The following LARP4B variants were observed in gnomAD, a reference collection of about 807,000 sequenced individuals.
The protein encoded by LARP4B is La ribonucleoprotein 4B.
Under a neutral mutation model 89.8 loss-of-function variants are expected in LARP4B, and 12 were observed. That is an observed-to-expected ratio of 0.13 (90% CI 0.09 to 0.22). The LOEUF is 0.22. Among genes scored for constraint, LARP4B ranks in the 10% least tolerant of loss-of-function variants. The probability of loss-of-function intolerance (pLI) is 1.00; values close to 1 mark genes in which losing one functional copy is unlikely to be tolerated. For synonymous variants in LARP4B, 367 were observed against 363.3 expected, an observed-to-expected ratio of 1.01 and a Z score of -0.12; for missense variants, 757 against 947.7, an observed-to-expected ratio of 0.80 and a Z score of 2.64.
At chr10:893,606 G>A (rs1836102828) in intron 1 of LARP4B, among the ~76,000 whole-genome samples, 1 of 152,160 alleles carries the variant, frequency 6.6e-6, no homozygotes, top group Admixed American at 6.5e-5. Flanking sequence ...TTAAACTGCA[G>A]CAGTTCCTCA....
At chr10:929,493 G>A (rs1453483458) in intron 1 of LARP4B, among the ~76,000 whole-genome samples, 2 of 152,150 alleles carry the variant, frequency 1.3e-5, no homozygotes, top group Non-Finnish European at 2.9e-5. Context: ...CTACTCGGGG[G>A]GCTGAGGCAG....
At chr10:835,625 T>C (rs1441051989) in intron 8 of LARP4B, among the ~76,000 whole-genome samples, 2 of 152,244 alleles carry the variant, frequency 1.3e-5, no homozygotes, top group African/African-American at 4.8e-5. Context: ...GTAGATTTTA[T>C]AGCAACACAT....
At chr10:973,040 G>A in the LARP4B span, 1 of 374,504 alleles carries the variant, frequency 2.7e-6, no homozygotes, top group Non-Finnish European at 5.3e-6. Context: ...AGAAGTCGAG[G>A]GGCAAGCACC....
chr10:846,766 C>G (rs574833197), intron 5 of LARP4B, among the ~76,000 whole-genome samples: 1 of 152,272 alleles, frequency 6.6e-6, no homozygotes, highest in Admixed American at 6.5e-5. Flanking sequence ...AGGGAGGACT[C>G]TCCAAGCGAT....
intron 13 of LARP4B, among the ~76,000 whole-genome samples, chr10:823,357 A>G (rs1832454609): frequency 6.6e-6 from 1 of 152,196 alleles, no homozygotes. Context: ...CAAGATCTGC[A>G]TCTGTCAGGC....
rs918199266 is a variant in LARP4B, at chr10:810,471, C to T, written c.*2455G>A. 1 of 152,212 alleles carries T rather than the reference C, an allele frequency of 6.6e-6. No homozygotes were observed. Among genetic ancestry groups the T allele is most frequent in the South Asian group, 2.1e-4 (1 of 4,836 alleles). The allele number at this position is 152,212 out of a possible 1,614,324, so 9.4% of individuals were successfully genotyped here. On this transcript the variant is annotated 3_prime_UTR_variant, in exon 18 of 18. Transcript: ENST00000316157. ...GGAGGGCAGCAGAGCCCTCCAGTGG[C>T]GACTGGCTAATGCACGCGCTGCCCT...
At chr10:910,244 C>T (rs1446819759) in intron 1 of LARP4B, among the ~76,000 whole-genome samples, 1 of 152,090 alleles carries the variant, frequency 6.6e-6, no homozygotes, top group Non-Finnish European at 1.5e-5. Context: ...CTACTTCCAA[C>T]TTCTGCTAAT....
the LARP4B span, among the ~76,000 whole-genome samples, chr10:940,845 T>G: frequency 6.6e-6 from 1 of 152,216 alleles, no homozygotes; most frequent in Non-Finnish European, 1.5e-5. Flanking sequence ...TAGAAATTAC[T>G]GTATGCAGGT....
chr10:975,824 C>T, the LARP4B span, among the ~76,000 whole-genome samples: 1 of 149,058 alleles, frequency 6.7e-6, no homozygotes, highest in African/African-American at 2.5e-5. Flanking sequence ...GTAAGCCTCT[C>T]GCGCAACGTG....
chr10:887,696 G>C (rs1299191500), intron 1 of LARP4B, among the ~76,000 whole-genome samples: 1 of 151,932 alleles, frequency 6.6e-6, no homozygotes, highest in Non-Finnish European at 1.5e-5. Flanking sequence ...GGGCAACAGA[G>C]TGAGACTCCA....
At chr10:833,900 A>G (rs1400316944) in intron 8 of LARP4B, among the ~76,000 whole-genome samples, 1 of 152,102 alleles carries the variant, frequency 6.6e-6, no homozygotes, top group African/African-American at 2.4e-5. Flanking sequence ...AAAAAAAAAA[A>G]AAAAAGACAG....
rs529963345 is a variant in LARP4B, at chr10:900,420, C to CTTTTTTTTTT, written c.-39-14670_-39-14661dup. Reference sequence around the variant, plus strand: ...ATTCTAGGATCGGAAAGAAGGATGTCTTTTTTTTTTTTTTTTTTTTTTTTT... The same window carrying CTTTTTTTTTT: ...ATTCTAGGATCGGAAAGAAGGATGTCTTTTTTTTTTTTTTTTTTTTTTTTTTTTTTTTTTT... On this transcript the variant is annotated intron_variant, in intron 1 of 17. Coordinates refer to ENST00000316157, the MANE Select transcript of LARP4B (RefSeq NM_015155.3). 6.4e-3 allele frequency among the ~76,000 whole-genome samples: 289 copies of CTTTTTTTTTT among 45,244 alleles called. 101 individuals carry two copies. Among genetic ancestry groups the CTTTTTTTTTT allele is most frequent in the South Asian group, 9.8e-3 (7 of 714 alleles). The allele number at this position is 45,244 out of a possible 152,430, so 29.7% of individuals were successfully genotyped here.
At chr10:933,928 G>A (rs530549687), upstream of LARP4B, among the ~76,000 whole-genome samples, 1 of 152,072 alleles carries the variant, frequency 6.6e-6, no homozygotes, top group East Asian at 2.0e-4. Context: ...AGTCTCCCGG[G>A]TTCAAGTGAT....
In LARP4B at chr10:811,043, C is replaced by T. The variant is rs1831728508; in HGVS notation, c.*1883G>A. On this transcript the variant is annotated 3_prime_UTR_variant, in exon 18 of 18. Coordinates refer to ENST00000316157, the MANE Select transcript of LARP4B (RefSeq NM_015155.3). ...TTTTTGCTCTCTATATACTTTAAAA[C>T]TCTTTCACATTAGATATGATTAGTA... 6.6e-6 allele frequency: 1 copy of T among 152,542 alleles called. No homozygotes were observed. Among genetic ancestry groups the T allele is most frequent in the Non-Finnish European group, 1.5e-5 (1 of 68,042 alleles). The allele number at this position is 152,542 out of a possible 1,614,324, so 9.4% of individuals were successfully genotyped here.
the LARP4B span, among the ~76,000 whole-genome samples, chr10:976,260 T>C: frequency 2.4e-5 from 3 of 126,298 alleles, no homozygotes; most frequent in African/African-American, 9.3e-5. Flanking sequence ...CCTAGTAGAA[T>C]GTAAGCCTGT....
At chr10:813,336 T>A in intron 17 of LARP4B, 123 bp from the exon 18 acceptor site, 1 of 958,658 alleles carries the variant, frequency 1.0e-6, no homozygotes, top group Non-Finnish European at 1.5e-6. Flanking sequence ...TTCACTAGTG[T>A]TTTTAACTTT....
the LARP4B span, among the ~76,000 whole-genome samples, chr10:940,803 G>A: frequency 1.3e-5 from 2 of 151,786 alleles, no homozygotes; most frequent in African/African-American, 4.9e-5. Context: ...TGTCCAGGAG[G>A]CCACTGCGAG....
At position 912,095 on chromosome 10, in the gene LARP4B, C is replaced by A. The variant is rs557947754; in HGVS notation, c.-40+19333G>T. Among the ~76,000 whole-genome samples, 3 of 152,330 alleles carry A rather than the reference C, an allele frequency of 2.0e-5. No homozygotes were observed. The East Asian group carries it at 5.8e-4, about 29-fold the overall frequency. On this transcript the variant is annotated intron_variant, in intron 1 of 17. Transcript: ENST00000316157. ...CTTGCAGTGAGAAGCACTGTGGAAGCTCTGCGTGGCAGGTGTTATGGCGTT... is the reference window on the plus strand; with the variant it reads ...CTTGCAGTGAGAAGCACTGTGGAAGATCTGCGTGGCAGGTGTTATGGCGTT...
Position 872,484 on chromosome 10 carries a change from T to G in LARP4B, c.142-8214A>C, listed in dbSNP as rs553038734. On this transcript the variant is annotated intron_variant, in intron 3 of 17. Transcript: ENST00000316157. ...TCGGCAACACAAATGCTGTGAAACT[T>G]GCACTCTCCTGAATCCTGACATTGC... is the stretch of plus-strand genomic sequence containing the variant. 5.3e-5 allele frequency among the ~76,000 whole-genome samples: 8 copies of G among 152,334 alleles called. No homozygotes were observed. The East Asian group carries it at 1.5e-3, about 29-fold the overall frequency.
Sources: allele counts gnomAD v4.1 joint callset (sites outside exome capture counted in the v4.1 genomes callset), GRCh38; gene constraint gnomAD v4.1.1; transcripts MANE v1.5; gene names NCBI Gene and HGNC (gene_info 2026-07-23, HGNC 2026-07-21).